The following ZNF431 variants were observed in gnomAD, a reference collection of about 807,000 sequenced individuals.
ZNF431 encodes zinc finger protein 431.
A neutral mutation model predicts 57.0 loss-of-function variants in ZNF431; 34 were observed. The ratio of observed to expected loss-of-function variants is 0.60; its 90% CI spans 0.45 to 0.79. The LOEUF (loss-of-function observed/expected upper bound fraction) is 0.79. Ranked by LOEUF, ZNF431 falls within the 30% of genes least tolerant of loss-of-function variation. ZNF431 has a pLI of 0.00. For missense variants in ZNF431, 607 were observed against 667.1 expected, an observed-to-expected ratio of 0.91 and a Z score of 0.99; for synonymous variants, 207 against 220.3, an observed-to-expected ratio of 0.94 and a Z score of 0.54.
chr19:21,176,957 C>G (rs1370246189), intron 4 of ZNF431, among the ~76,000 whole-genome samples: 1 of 151,550 alleles, frequency 6.6e-6, no homozygotes, highest in Non-Finnish European at 1.5e-5. Context: ...TTTGGCCTCC[C>G]AAAGCACTGT....
intron 4 of ZNF431, among the ~76,000 whole-genome samples, chr19:21,180,245 G>T (rs1298833633): frequency 6.6e-6 from 1 of 152,168 alleles, no homozygotes; most frequent in Non-Finnish European, 1.5e-5. Flanking sequence ...ATTTTGCAGA[G>T]TTGTTGATGT....
intron 4 of ZNF431, among the ~76,000 whole-genome samples, chr19:21,174,651 C>T (rs952384623): frequency 1.2e-4 from 19 of 152,296 alleles, no homozygotes; most frequent in African/African-American, 4.3e-4. Context: ...ACCTATTTGA[C>T]TCAATGCTAA....
rs900719506 is a variant in ZNF431, at chr19:21,186,524, C to T, written c.*2490C>T. On this transcript the variant is annotated 3_prime_UTR_variant, in exon 5 of 5. Coordinates refer to ENST00000311048, the MANE Select transcript of ZNF431 (RefSeq NM_133473.4). ...AACAAAAATCATTTTAATATGGTGA[C>T]TACTATAAAACTAAAAACCTAAAAA... 13 of 152,090 alleles carry T rather than the reference C, an allele frequency of 8.5e-5. No individual in the cohort carries two copies. Among genetic ancestry groups the T allele is most frequent in the African/African-American group, 3.1e-4 (13 of 41,420 alleles). The allele number at this position is 152,090 out of a possible 1,614,324, so 9.4% of individuals were successfully genotyped here. A position where few individuals can be genotyped will look rare whatever the true frequency, so the allele number is the denominator to read the frequency against.
intron 2 of ZNF431, among the ~76,000 whole-genome samples, chr19:21,164,962 TAGAC>T (rs749989677): frequency 6.6e-6 from 1 of 150,718 alleles, no homozygotes; most frequent in Non-Finnish European, 1.5e-5. Context: ...AATACAAAAT[TAGAC>T]AGGCATGGTA....
intron 2 of ZNF431, among the ~76,000 whole-genome samples, chr19:21,161,479 T>C (rs1255296695): frequency 6.6e-6 from 1 of 152,188 alleles, no homozygotes; most frequent in Non-Finnish European, 1.5e-5. Flanking sequence ...TTTGTTTAAG[T>C]TGCTTATTAT....
chr19:21,183,648 A>G lies in ZNF431; in HGVS notation c.1345A>G (p.Ile449Val). 3 of 1,613,516 alleles carry G rather than the reference A, an allele frequency of 1.9e-6. No individual in the cohort carries two copies. The highest frequency in any genetic ancestry group is 1.6e-4 in the Middle Eastern group (1 of 6,062). Reference sequence around the variant, plus strand: ...CCCACAACTTACTGCACATAAGATAATTCATACTGGAGAGAAACCTTACAA... The same window carrying G: ...CCCACAACTTACTGCACATAAGATAGTTCATACTGGAGAGAAACCTTACAA... ...RSPQLTAHKI[I>V]HTGEKPYKCE... Residue 449 changes from isoleucine to valine, a missense_variant, in exon 5 of 5, where the codon ATT (isoleucine) becomes GTT (valine). Coordinates refer to ENST00000311048, the MANE Select transcript of ZNF431 (RefSeq NM_133473.4).
chr19:21,160,614 G>A (rs1012888656), intron 2 of ZNF431, among the ~76,000 whole-genome samples: 7 of 152,156 alleles, frequency 4.6e-5, no homozygotes, highest in African/African-American at 9.7e-5. Flanking sequence ...ACTAAGAACC[G>A]TCTCACAATC....
At chr19:21,161,705 G>T (rs1391668936) in intron 2 of ZNF431, among the ~76,000 whole-genome samples, 1 of 152,126 alleles carries the variant, frequency 6.6e-6, no homozygotes, top group Non-Finnish European at 1.5e-5. Flanking sequence ...GCAGGCTGGA[G>T]TGCAGTGGCG....
At chr19:21,165,129 C>T (rs1174322165) in intron 2 of ZNF431, among the ~76,000 whole-genome samples, 1 of 151,924 alleles carries the variant, frequency 6.6e-6, no homozygotes, top group South Asian at 2.1e-4. Flanking sequence ...ATGCACCAGA[C>T]CCTTCTCTAC....
intron 2 of ZNF431, chr19:21,150,138 T>C (rs998191148): frequency 9.6e-6 from 6 of 625,166 alleles, no homozygotes; most frequent in Non-Finnish European, 1.8e-5. Flanking sequence ...GTCTCTGGTC[T>C]GTACTTGTAG....
At chr19:21,175,439 A>C (rs1319805926) in intron 4 of ZNF431, 1 of 697,136 alleles carries the variant, frequency 1.4e-6, no homozygotes, top group Admixed American at 2.0e-5. Context: ...ATTTAATTTA[A>C]TTTTATGTTC....
At position 21,183,335 on chromosome 19, in the gene ZNF431, C is replaced by T. The variant is rs1971266854; in HGVS notation, c.1032C>T (p.Tyr344=). 1.2e-6 allele frequency: 2 copies of T among 1,613,880 alleles called. No homozygotes were observed. The highest frequency in any genetic ancestry group is 1.1e-5 in the South Asian group (1 of 91,070). The change falls in exon 5 of 5, where the codon TAC becomes TAT. Residue 344 remains tyrosine, a synonymous_variant. Transcript: ENST00000311048. ...TCATTCATGCTGGAGAGAAACCCTACAAATGTGAGGAATGTGACAAAGCTT... is the reference window on the plus strand; with the variant it reads ...TCATTCATGCTGGAGAGAAACCCTATAAATGTGAGGAATGTGACAAAGCTT... The part of the protein sequence containing the change: ...HKFIHAGEKP[Y]KCEECDKAFN...
At chr19:21,143,305 G>C (rs1007794446) in intron 1 of ZNF431, among the ~76,000 whole-genome samples, 1 of 152,152 alleles carries the variant, frequency 6.6e-6, no homozygotes, top group Non-Finnish European at 1.5e-5. Context: ...CCCTGATACT[G>C]TATTGTTAAA....
In ZNF431 at chr19:21,182,679, T is replaced by C. The variant is rs1223310700; in HGVS notation, c.376T>C (p.Phe126Leu). Residue 126 changes from phenylalanine (F) to leucine (L), a missense_variant, in exon 5 of 5, where the codon TTT becomes CTT. Physicochemically the swap from Phe to Leu is conservative, Grantham distance 22. Coordinates refer to ENST00000311048, the MANE Select transcript of ZNF431 (RefSeq NM_133473.4). ...LWPEQDIKDS[F>L]QQVILRRYGK... The stretch of plus-strand genomic sequence containing the variant: ...GCCAGAGCAAGACATAAAAGATTCT[T>C]TTCAACAAGTAATACTGAGAAGATA... 6.2e-7 allele frequency: 1 copy of C among 1,613,102 alleles called. No individual in the cohort carries two copies. The highest frequency in any genetic ancestry group is 8.5e-7 in the Non-Finnish European group (1 of 1,179,670).
At chr19:21,146,742 A>G (rs1038314544) in intron 2 of ZNF431, among the ~76,000 whole-genome samples, 3 of 152,122 alleles carry the variant, frequency 2.0e-5, no homozygotes, top group Non-Finnish European at 4.4e-5. Context: ...TATGACTTGT[A>G]TCTTGTGCTG....
intron 4 of ZNF431, among the ~76,000 whole-genome samples, chr19:21,180,533 C>G (rs1182027634): frequency 6.7e-6 from 1 of 149,532 alleles, no homozygotes; most frequent in African/African-American, 2.5e-5. Context: ...TTGTACTTAT[C>G]TTGGTATGCT....
chr19:21,177,834 T>C (rs1481647335), intron 4 of ZNF431, among the ~76,000 whole-genome samples: 1 of 152,078 alleles, frequency 6.6e-6, no homozygotes, highest in African/African-American at 2.4e-5. Context: ...TTTTGGGTTT[T>C]CATATGAGTT....
chr19:21,189,852 T>G lies in ZNF431; in HGVS notation c.*5818T>G, dbSNP rs949684505. On this transcript the variant is annotated 3_prime_UTR_variant, in exon 5 of 5. Transcript: ENST00000311048. Reference sequence around the variant, plus strand: ...ATGTGATTGAGAATAATAGTTTTTGTTTTTTTTTTAAGGCCAGGAGTGGTG... The same window carrying G: ...ATGTGATTGAGAATAATAGTTTTTGGTTTTTTTTTAAGGCCAGGAGTGGTG... The G allele has an allele frequency of 7.8e-5, 29 of 373,704 alleles. No individual in the cohort carries two copies. The highest frequency in any genetic ancestry group is 8.5e-5 in the African/African-American group (4 of 46,904). The allele number at this position is 373,704 out of a possible 1,614,324, so 23.1% of individuals were successfully genotyped here.
Position 21,185,415 on chromosome 19 carries a change from A to G in ZNF431, c.*1381A>G, listed in dbSNP as rs1430665877. Reference sequence around the variant, plus strand: ...TCCTATTGGATTCACATGTGAAAGCATGGGGTTAATTGTTGCTACATCAAA... The same window carrying G: ...TCCTATTGGATTCACATGTGAAAGCGTGGGGTTAATTGTTGCTACATCAAA... On this transcript the variant is annotated 3_prime_UTR_variant, in exon 5 of 5. Transcript: ENST00000311048. 2.0e-5 allele frequency: 3 copies of G among 152,176 alleles called. No homozygotes were observed. Among genetic ancestry groups the G allele is most frequent in the Admixed American group, 6.5e-5 (1 of 15,270 alleles). 9.4% of individuals were successfully genotyped at this position (152,176 alleles called of 1,614,324 possible).
Sources: gnomAD v4.1 joint callset for allele counts (sites outside exome capture counted in the v4.1 genomes callset) on GRCh38, gnomAD v4.1.1 for gene constraint, MANE v1.5 for transcripts, NCBI Gene and HGNC (gene_info 2026-07-23, HGNC 2026-07-21) for gene names.